PDXDC1: variants seen among roughly 807,000 people sequenced by gnomAD.
PDXDC1 encodes pyridoxal-dependent decarboxylase domain-containing protein 1.
Under a neutral mutation model 100.1 loss-of-function variants are expected in PDXDC1, and 42 were observed. That is an observed-to-expected ratio of 0.42 (90% CI 0.33 to 0.54). The LOEUF (loss-of-function observed/expected upper bound fraction) is 0.54, where lower values mean the gene tolerates loss of function less well. PDXDC1 is among the 20% of genes least tolerant of loss of function. PDXDC1 has a pLI of 0.10. For missense variants in PDXDC1, 636 were observed against 979.2 expected (o/e 0.65, Z 4.68); for synonymous variants, 260 against 371.7 (o/e 0.70, Z 3.46).
At chr16:15,039,400 CTT>C (rs934330170), downstream of PDXDC1, among the ~76,000 whole-genome samples, 1 of 152,190 alleles carries the variant, frequency 6.6e-6, no homozygotes, top group Non-Finnish European at 1.5e-5. Flanking sequence ...TTTTTTCACA[CTT>C]TGAGCATTTT....
At chr16:15,014,630 C>T (rs1328735380) in intron 8 of PDXDC1, among the ~76,000 whole-genome samples, 2 of 152,252 alleles carry the variant, frequency 1.3e-5, no homozygotes, top group East Asian at 1.9e-4. Context: ...AGTTTTCAGC[C>T]CTTTTCCTGG....
At chr16:15,043,111 G>C (rs2043896650), downstream of PDXDC1, among the ~76,000 whole-genome samples, 1 of 152,082 alleles carries the variant, frequency 6.6e-6, no homozygotes, top group African/African-American at 2.4e-5. Context: ...TGTTGGTCAG[G>C]CTGGTCTTGA....
chr16:14,976,291 T>G (rs1413921700), intron 1 of PDXDC1, among the ~76,000 whole-genome samples: 71 of 152,400 alleles, frequency 4.7e-4, no homozygotes, highest in Non-Finnish European at 4.4e-5. Context: ...ACGGCTACAT[T>G]TTAATTTTGA....
At chr16:15,127,338 T>C (rs950718705) in intron 16 of PDXDC1, 5 of 685,920 alleles carry the variant, frequency 7.3e-6, no homozygotes, top group Non-Finnish European at 1.3e-5. Flanking sequence ...CTCAAGTGTG[T>C]TGACCCTTCC....
At chr16:15,058,206 A>C (rs915746907) in intron 16 of PDXDC1, among the ~76,000 whole-genome samples, 1 of 151,742 alleles carries the variant, frequency 6.6e-6, no homozygotes, top group Non-Finnish European at 1.5e-5. Flanking sequence ...ACTCGGGAGG[A>C]TCAATCAAGC....
chr16:15,003,748 C>T lies in PDXDC1; in HGVS notation c.243-439C>T, dbSNP rs555609786. Among the ~76,000 whole-genome samples the T allele has an allele frequency of 7.7e-4, 117 of 152,294 alleles. 1 individual carries two copies. The East Asian group carries it at 0.013, about 17-fold the overall frequency. On this transcript the variant is annotated intron_variant, in intron 4 of 22. Transcript: ENST00000396410. ...CTGTAATCCCAGCACTTTGGGAGGC[C>T]GAGGCAGGTGAATCACCTGAAGTCA...
intron 16 of PDXDC1, among the ~76,000 whole-genome samples, chr16:15,088,171 C>G (rs2045983311): frequency 6.6e-6 from 1 of 151,600 alleles, no homozygotes; most frequent in East Asian, 1.9e-4. Context: ...TAGTACTGAA[C>G]TATTATTATT....
intron 16 of PDXDC1, chr16:15,055,917 G>C (rs1019039096): frequency 1.6e-6 from 2 of 1,232,566 alleles, no homozygotes; most frequent in Non-Finnish European, 2.0e-6. Flanking sequence ...GCTCGGACGA[G>C]GTCCCCGGCT....
intron 12 of PDXDC1, among the ~76,000 whole-genome samples, chr16:15,021,789 T>A (rs1443890295): frequency 1.3e-5 from 2 of 152,288 alleles, no homozygotes; most frequent in African/African-American, 4.8e-5. Context: ...AGCATACATT[T>A]CCTGAGAGCG....
At chr16:15,079,848 C>A in intron 16 of PDXDC1, 1 of 814,316 alleles carries the variant, frequency 1.2e-6, no homozygotes, top group Non-Finnish European at 1.8e-6. Context: ...CTGCCTGCCT[C>A]GGCCTCCCAA....
At chr16:14,997,172 A>C (rs929247325) in intron 1 of PDXDC1, among the ~76,000 whole-genome samples, 1 of 152,208 alleles carries the variant, frequency 6.6e-6, no homozygotes, top group African/African-American at 2.4e-5. Context: ...AATTCTGCAG[A>C]AAAATTTAAA....
At chr16:14,999,556 G>A (rs886404141) in intron 3 of PDXDC1, among the ~76,000 whole-genome samples, 1 of 152,224 alleles carries the variant, frequency 6.6e-6, no homozygotes, top group Non-Finnish European at 1.5e-5. Flanking sequence ...AAATAAAAGT[G>A]ATATACAAAT....
At chr16:15,130,537 T>A (rs1031125894) in intron 16 of PDXDC1, 1 of 1,328,380 alleles carries the variant, frequency 7.5e-7, no homozygotes, top group African/African-American at 1.4e-5. Flanking sequence ...CCCGGTCCAG[T>A]CCCCTCGCTG....
chr16:15,050,449 G>A (rs1199522384), intron 16 of PDXDC1, among the ~76,000 whole-genome samples: 2 of 152,110 alleles, frequency 1.3e-5, no homozygotes, highest in Admixed American at 6.6e-5. Flanking sequence ...AAACATAAGA[G>A]CAGCTGGGTG....
chr16:15,115,093 G>A (rs987442492), intron 16 of PDXDC1, among the ~76,000 whole-genome samples: 2 of 145,212 alleles, frequency 1.4e-5, no homozygotes, highest in African/African-American at 5.1e-5. Flanking sequence ...CTGCCACCAT[G>A]CCCGACTAAT....
chr16:15,058,147 A>G (rs1267102777), intron 16 of PDXDC1, among the ~76,000 whole-genome samples: 1 of 152,120 alleles, frequency 6.6e-6, no homozygotes, highest in Non-Finnish European at 1.5e-5. Flanking sequence ...TGCTTCTCCA[A>G]CAAATACAAA....
chr16:15,068,142 C>T (rs1293695179), intron 16 of PDXDC1: 1 of 1,486,960 alleles, frequency 6.7e-7, no homozygotes, highest in Non-Finnish European at 9.1e-7. Context: ...TTAAATAACT[C>T]CCATCAAGAA....
At chr16:15,070,272 T>G (rs1225376820) in intron 16 of PDXDC1, 2 of 1,611,280 alleles carry the variant, frequency 1.2e-6, no homozygotes, top group Non-Finnish European at 1.7e-6. Flanking sequence ...AAAGAAAAAT[T>G]CAAGTCAACT....
At chr16:14,977,584 T>TA (rs1295626552) in intron 1 of PDXDC1, among the ~76,000 whole-genome samples, 1 of 152,286 alleles carries the variant, frequency 6.6e-6, no homozygotes, top group Non-Finnish European at 1.5e-5. Context: ...GGCCGGGACT[T>TA]AGATTTATAT....
Sources: gnomAD v4.1 joint callset for allele counts (sites outside exome capture counted in the v4.1 genomes callset) on GRCh38, gnomAD v4.1.1 for gene constraint, MANE v1.5 for transcripts, NCBI Gene and HGNC (gene_info 2026-07-23, HGNC 2026-07-21) for gene names.